XPO4: variants seen among roughly 807,000 people sequenced by gnomAD.
XPO4 encodes exportin 4.
In XPO4, 39 loss-of-function variants were observed where a neutral mutation model predicts 143.0. The ratio of observed to expected loss-of-function variants is 0.27; its 90% CI spans 0.21 to 0.36. The LOEUF (loss-of-function observed/expected upper bound fraction) is 0.36, where lower values mean the gene tolerates loss of function less well. XPO4 is among the 10% of genes least tolerant of loss of function. The pLI is 1.00. For missense variants in XPO4, 907 were observed against 1,348.0 expected (o/e 0.67, Z 5.12); for synonymous variants, 439 against 474.0 (o/e 0.93, Z 0.96).
At chr13:20,902,604 G>T (rs936885195) in intron 1 of XPO4, 66 bp downstream of exon 1, 8 of 1,496,906 alleles carry the variant, frequency 5.3e-6, no homozygotes, top group Admixed American at 4.5e-5. Context: ...GAGCAGCAAG[G>T]CCTGGAGTGG....
chr13:20,879,057 C>T (rs1164282046), intron 1 of XPO4: 6 of 959,492 alleles, frequency 6.3e-6, no homozygotes, highest in South Asian at 4.8e-5. Flanking sequence ...AAAACAGAAG[C>T]GAACGCAGGG....
In XPO4 at chr13:20,822,144, T is replaced by C; in HGVS notation, c.986A>G (p.Asn329Ser). 1.2e-6 allele frequency: 2 copies of C among 1,612,620 alleles called. No individual in the cohort carries two copies. The highest frequency in any genetic ancestry group is 1.7e-6 in the Non-Finnish European group (2 of 1,179,284). The change falls in exon 8 of 23, where the codon AAT becomes AGT. Residue 329 changes from asparagine to serine, a missense_variant. Coordinates refer to ENST00000255305, the MANE Select transcript of XPO4 (RefSeq NM_022459.5). ...CAAGTATACCTACCCATTGATAGTA[T>C]TCAGTAATCCCTCAATGAAGTGTGC... ...YLAHFIEGLL[N>S]TINGIEIEDS... is the part of the protein sequence containing the mutation.
In XPO4 at chr13:20,796,959, G is replaced by A; in HGVS notation, c.2421C>T (p.Ala807=). Residue 807 remains alanine, a synonymous_variant, in exon 17 of 23, where the codon GCC becomes GCT. Coordinates refer to ENST00000255305, the MANE Select transcript of XPO4 (RefSeq NM_022459.5). ...CAATGCCACACAGGGCCTCTAGTGTGGCAGTGATTTCCTGCTTGACTTCCT... is the reference window on the plus strand; with the variant it reads ...CAATGCCACACAGGGCCTCTAGTGTAGCAGTGATTTCCTGCTTGACTTCCT... The part of the protein sequence containing the change: ...QQEEVKQEIT[A]TLEALCGIAE... The A allele has an allele frequency of 6.2e-7, 1 of 1,613,978 alleles. No individual in the cohort carries two copies. The highest frequency in any genetic ancestry group is 1.3e-5 in the African/African-American group (1 of 75,034).
intron 4 of XPO4, among the ~76,000 whole-genome samples, chr13:20,847,552 G>A (rs1352590169): frequency 6.6e-6 from 1 of 152,136 alleles, no homozygotes; most frequent in African/African-American, 2.4e-5. Context: ...GCCTCCTTCA[G>A]ACTGTTAGGT....
At chr13:20,794,081 T>C (rs2059323111) in intron 18 of XPO4, among the ~76,000 whole-genome samples, 3 of 152,212 alleles carry the variant, frequency 2.0e-5, no homozygotes, top group Non-Finnish European at 4.4e-5. Context: ...CCTTTTTTGA[T>C]AGGATTATAG....
chr13:20,881,182 T>A (rs566490759), intron 1 of XPO4, among the ~76,000 whole-genome samples: 1 of 152,300 alleles, frequency 6.6e-6, no homozygotes, highest in Admixed American at 6.5e-5. Flanking sequence ...GGTATATAGT[T>A]CCAGTTTGGA....
intron 10 of XPO4, among the ~76,000 whole-genome samples, 173 bp downstream of exon 10, chr13:20,809,618 T>C (rs919548254): frequency 2.6e-5 from 4 of 152,140 alleles, no homozygotes; most frequent in African/African-American, 9.7e-5. Context: ...AAAAGGAATA[T>C]ACATAGGCAA....
At chr13:20,865,599 C>T (rs935538820) in intron 2 of XPO4, 1 of 962,186 alleles carries the variant, frequency 1.0e-6, no homozygotes, top group Non-Finnish European at 1.2e-6. Context: ...TGAATTTTGT[C>T]AGCCATCTGA....
rs1418356596 is a variant in XPO4, at chr13:20,780,342, G to T, written c.*3380C>A. On this transcript the variant is annotated 3_prime_UTR_variant, in exon 23 of 23. Coordinates refer to ENST00000255305, the MANE Select transcript of XPO4 (RefSeq NM_022459.5). ...GGTTCAGAATGATGTTGAATACTAG[G>T]AGACTCAAACTTGTAATCCTTGAAA... The T allele has an allele frequency of 3.3e-5, 5 of 152,146 alleles. No homozygotes were observed. The highest frequency in any genetic ancestry group is 7.3e-5 in the Non-Finnish European group (5 of 68,036). 9.4% of individuals were successfully genotyped at this position (152,146 alleles called of 1,614,324 possible).
chr13:20,852,572 T>A (rs908040400), intron 4 of XPO4: 11 of 980,944 alleles, frequency 1.1e-5, no homozygotes, highest in East Asian at 2.3e-4. Flanking sequence ...ACAAATCTTA[T>A]AATATTTGGT....
intron 4 of XPO4, 75 bp from the exon 5 acceptor site, chr13:20,843,961 A>C (rs2060005161): frequency 9.4e-7 from 1 of 1,064,972 alleles, no homozygotes; most frequent in African/African-American, 1.6e-5. Context: ...TTGTTCAAAC[A>C]TAATAGAACA....
At position 20,880,772 on chromosome 13, in the gene XPO4, C is replaced by G. The variant is rs527783518; in HGVS notation, c.70-12071G>C. Among the ~76,000 whole-genome samples, 10 of 152,122 alleles carry G rather than the reference C, an allele frequency of 6.6e-5. 1 individual carries two copies. The East Asian group carries it at 1.2e-3, about 18-fold the overall frequency. ...CGGGGTTCCAGACCAGCCTGGGAAA[C>G]ATGGTGAAACCCCATCTCTACGAAC... On this transcript the variant is annotated intron_variant, in intron 1 of 22. Transcript: ENST00000255305.
rs2060137379 is a variant in XPO4 at position 20,855,754 on chromosome 13, T to C, written c.329A>G (p.Tyr110Cys). Residue 110 changes from tyrosine (Y) to cysteine (C), a missense_variant, in exon 4 of 23, where the codon TAT (tyrosine) becomes TGT (cysteine). Transcript: ENST00000255305. ...TGCTAGTAGAATCTGTTCCCGAACATACTTTTGAAGGCTGTAAAACATAAA... is the reference window on the plus strand; with the variant it reads ...TGCTAGTAGAATCTGTTCCCGAACACACTTTTGAAGGCTGTAAAACATAAA... ...YVLQRPNLQK[Y>C]VREQILLAVA... 3.1e-6 allele frequency: 5 copies of C among 1,596,820 alleles called. No homozygotes were observed. Among genetic ancestry groups the C allele is most frequent in the Non-Finnish European group, 3.4e-6 (4 of 1,175,352 alleles).
chr13:20,799,486 G>T (rs1341391377), intron 15 of XPO4, 147 bp from the exon 16 acceptor site: 6 of 640,270 alleles, frequency 9.4e-6, no homozygotes, highest in African/African-American at 1.8e-5. Context: ...TATAGACTTT[G>T]AAGTCACAGG....
chr13:20,863,867 TAC>T (rs1429341074), intron 2 of XPO4, among the ~76,000 whole-genome samples: 1 of 152,180 alleles, frequency 6.6e-6, no homozygotes, highest in Non-Finnish European at 1.5e-5. Context: ...TGAAGATATA[TAC>T]AGTCAAGCAC....
intron 10 of XPO4, among the ~76,000 whole-genome samples, 189 bp from the exon 11 acceptor site, chr13:20,809,414 A>C (rs571731875): frequency 4.4e-4 from 67 of 151,808 alleles, no homozygotes; most frequent in Admixed American, 2.4e-3. Context: ...GTAGTTATCA[A>C]AAGGGGGAAA....
intron 4 of XPO4, chr13:20,853,057 C>A: frequency 1.0e-6 from 1 of 985,170 alleles, no homozygotes; most frequent in Non-Finnish European, 1.2e-6. Context: ...CATGGCCAGC[C>A]GTGGTGGCTC....
intron 6 of XPO4, among the ~76,000 whole-genome samples, chr13:20,838,669 T>G (rs1002680920): frequency 2.0e-5 from 3 of 150,968 alleles, no homozygotes; most frequent in African/African-American, 7.3e-5. Flanking sequence ...TTGCCCAGGC[T>G]GGAGTGCAGT....
intron 16 of XPO4, among the ~76,000 whole-genome samples, chr13:20,798,859 A>G (rs537953367): frequency 6.6e-6 from 1 of 152,030 alleles, no homozygotes; most frequent in Non-Finnish European, 1.5e-5. Flanking sequence ...GTCTCTACTA[A>G]AAAAAACAAA....
Sources: gnomAD v4.1 joint callset for allele counts (sites outside exome capture counted in the v4.1 genomes callset) on GRCh38, gnomAD v4.1.1 for gene constraint, MANE v1.5 for transcripts, NCBI Gene and HGNC (gene_info 2026-07-23, HGNC 2026-07-21) for gene names.